Variants in PCDH9 observed in about 807,000 individuals in gnomAD.
The protein encoded by PCDH9 is protocadherin-9.
Under a neutral mutation model 70.6 loss-of-function variants are expected in PCDH9, and 24 were observed. That is an observed-to-expected ratio of 0.34 (90% CI 0.25 to 0.48). The LOEUF is 0.48. PCDH9 is among the 20% of genes least tolerant of loss of function. The probability of loss-of-function intolerance (pLI) is 0.99; values close to 1 mark genes in which losing one functional copy is unlikely to be tolerated. For synonymous variants in PCDH9, 562 were observed against 558.5 expected, an observed-to-expected ratio of 1.01 and a Z score of -0.09; for missense variants, 1,281 against 1,503.6, an observed-to-expected ratio of 0.85 and a Z score of 2.45.
intron 4 of PCDH9, among the ~76,000 whole-genome samples, chr13:66,418,218 T>C (rs189755090): frequency 1.7e-3 from 257 of 152,362 alleles, no homozygotes; most frequent in Non-Finnish European, 2.9e-3. Context: ...TTCAGTTTTC[T>C]GAATATAGCT....
intron 4 of PCDH9, among the ~76,000 whole-genome samples, chr13:66,524,576 CA>C (rs1216419360): frequency 5.9e-5 from 9 of 151,970 alleles, no homozygotes; most frequent in African/African-American, 2.2e-4. Context: ...TTAATAATAA[CA>C]TAATTTGGAC....
chr13:66,886,674 A>C (rs1168306875), intron 3 of PCDH9, among the ~76,000 whole-genome samples: 1 of 152,206 alleles, frequency 6.6e-6, no homozygotes, highest in Non-Finnish European at 1.5e-5. Context: ...CTATGAAAGA[A>C]ATCATAATGT....
chr13:66,387,752 A>G (rs773492155), intron 4 of PCDH9, among the ~76,000 whole-genome samples: 2 of 152,062 alleles, frequency 1.3e-5, no homozygotes, highest in African/African-American at 2.4e-5. Context: ...AGATATTCCT[A>G]TATAGCAACA....
chr13:66,813,260 G>A (rs2080541541), intron 3 of PCDH9, among the ~76,000 whole-genome samples: 2 of 152,088 alleles, frequency 1.3e-5, no homozygotes, highest in African/African-American at 4.8e-5. Flanking sequence ...AAGTAATTCC[G>A]ACAGCAATAA....
At chr13:66,613,991 T>C (rs984406359) in intron 4 of PCDH9, among the ~76,000 whole-genome samples, 1 of 152,166 alleles carries the variant, frequency 6.6e-6, no homozygotes, top group Admixed American at 6.5e-5. Flanking sequence ...GCTTCACAAT[T>C]GGTAAGGCCG....
At chr13:66,799,155 T>A (rs2080289581) in intron 3 of PCDH9, among the ~76,000 whole-genome samples, 1 of 152,164 alleles carries the variant, frequency 6.6e-6, no homozygotes, top group Non-Finnish European at 1.5e-5. Flanking sequence ...TACTATGCTT[T>A]CTTTTATACA....
intron 3 of PCDH9, among the ~76,000 whole-genome samples, chr13:66,741,580 T>TA: frequency 9.1e-5 from 1 of 11,008 alleles, no homozygotes; most frequent in African/African-American, 1.4e-4. Flanking sequence ...CATGATTGTT[T>TA]ATCTAGAAAA....
At chr13:66,819,823 GA>G (rs1464315188) in intron 3 of PCDH9, among the ~76,000 whole-genome samples, 1 of 152,130 alleles carries the variant, frequency 6.6e-6, no homozygotes, top group Non-Finnish European at 1.5e-5. Flanking sequence ...TTGAGCCCAG[GA>G]AGCCCATGCT....
chr13:67,166,206 G>T (rs2088112409), intron 2 of PCDH9, among the ~76,000 whole-genome samples: 1 of 152,036 alleles, frequency 6.6e-6, no homozygotes, highest in African/African-American at 2.4e-5. Context: ...ATTCTCCTTT[G>T]ATACAATTAT....
At chr13:66,815,708 A>G (rs1566212966) in intron 3 of PCDH9, among the ~76,000 whole-genome samples, 1 of 152,168 alleles carries the variant, frequency 6.6e-6, no homozygotes, top group Non-Finnish European at 1.5e-5. Flanking sequence ...GGAGCTAAAC[A>G]TGGACTACAT....
intron 2 of PCDH9, among the ~76,000 whole-genome samples, chr13:66,904,591 C>T (rs971248660): frequency 1.3e-5 from 2 of 151,864 alleles, no homozygotes; most frequent in Non-Finnish European, 2.9e-5. Flanking sequence ...CATTACATTA[C>T]AAGCAAAGAG....
chr13:67,142,550 A>G (rs2087420126), intron 2 of PCDH9, among the ~76,000 whole-genome samples: 1 of 152,214 alleles, frequency 6.6e-6, no homozygotes, highest in Non-Finnish European at 1.5e-5. Context: ...GGCATGTAGT[A>G]TGTGCTCAAT....
At chr13:66,747,803 ATTATGGAAGCCTTAAAAT>A (rs1376440989) in intron 3 of PCDH9, among the ~76,000 whole-genome samples, 1 of 152,204 alleles carries the variant, frequency 6.6e-6, no homozygotes, top group Admixed American at 6.5e-5. Context: ...TCTCCACATT[ATTATGGAAGCCTTAAAAT>A]TTCTGTTTCA....
intron 2 of PCDH9, among the ~76,000 whole-genome samples, chr13:67,200,581 G>T (rs573707637): frequency 4.6e-5 from 7 of 152,150 alleles, no homozygotes; most frequent in African/African-American, 1.7e-4. Context: ...CAAAAGTAAT[G>T]TACTGCAAAC....
At chr13:66,551,813 C>T (rs1031162101) in intron 4 of PCDH9, among the ~76,000 whole-genome samples, 3 of 152,108 alleles carry the variant, frequency 2.0e-5, no homozygotes, top group Middle Eastern at 6.8e-3. Context: ...GAAATAAAAG[C>T]ACATATAATG....
intron 2 of PCDH9, among the ~76,000 whole-genome samples, chr13:67,034,757 T>C (rs2084977460): frequency 6.6e-6 from 1 of 151,936 alleles, no homozygotes; most frequent in Admixed American, 6.6e-5. Context: ...GAGAGTTTGG[T>C]GTACACATTA....
chr13:67,227,082 G>A lies in PCDH9; in HGVS notation c.1359C>T (p.Ala453=). ...DSGKPSLNQT[A]LVRVKLEDEN... is the part of the protein sequence containing the mutation. ...CATCCTCAAGCTTAACCCTTACCAG[G>A]GCAGTCTGATTTAAACTGGGCTTCC... The change falls in exon 2 of 5, where the codon GCC becomes GCT. Residue 453 remains alanine, a synonymous_variant. Transcript: ENST00000377865. This position sits in a 1 kb window ranked among gnomAD's most constrained non-coding sequence, Gnocchi z 4.6. 6.2e-7 allele frequency: 1 copy of A among 1,614,098 alleles called. No individual in the cohort carries two copies. The highest frequency in any genetic ancestry group is 8.5e-7 in the Non-Finnish European group (1 of 1,180,004).
chr13:67,057,567 T>C (rs2085447540), intron 2 of PCDH9, among the ~76,000 whole-genome samples: 1 of 152,002 alleles, frequency 6.6e-6, no homozygotes, highest in Admixed American at 6.6e-5. Context: ...AAATCACCTA[T>C]ATGTCACAAA....
chr13:66,584,748 G>C (rs2076940298), intron 4 of PCDH9, among the ~76,000 whole-genome samples: 1 of 152,164 alleles, frequency 6.6e-6, no homozygotes, highest in Non-Finnish European at 1.5e-5. Context: ...AGGAATGGTA[G>C]TTGATAGAGG....
Sources: allele counts gnomAD v4.1 joint callset (sites outside exome capture counted in the v4.1 genomes callset), GRCh38; gene constraint gnomAD v4.1.1; non-coding constraint Gnocchi (gnomAD v3.1); transcripts MANE v1.5; gene names NCBI Gene and HGNC (gene_info 2026-07-23, HGNC 2026-07-21).